The following CACNA2D3 variants were observed in gnomAD, a reference collection of about 807,000 sequenced individuals.
CACNA2D3 encodes voltage-dependent calcium channel subunit alpha-2/delta-3.
Under a neutral mutation model 160.6 loss-of-function variants are expected in CACNA2D3, and 60 were observed. The observed-to-expected ratio is 0.37, with a 90% CI of 0.30 to 0.46. The LOEUF is 0.46. CACNA2D3 is among the 20% of genes least tolerant of loss of function. CACNA2D3 has a pLI of 1.00. For synonymous variants in CACNA2D3, 558 were observed against 492.9 expected (o/e 1.13, Z -1.75); for missense variants, 1,205 against 1,365.0 (o/e 0.88, Z 1.85).
At chr3:54,648,338 A>G (rs1478733666) in intron 11 of CACNA2D3, among the ~76,000 whole-genome samples, 1 of 152,208 alleles carries the variant, frequency 6.6e-6, no homozygotes, top group African/African-American at 2.4e-5. Flanking sequence ...AGCCACACCC[A>G]TTTGTTTACT....
chr3:54,843,490 G>A (rs559816213), intron 16 of CACNA2D3, among the ~76,000 whole-genome samples: 11 of 152,312 alleles, frequency 7.2e-5, no homozygotes, highest in Non-Finnish European at 7.3e-5. Flanking sequence ...TGTTACTGCC[G>A]TGTGCCTTGA....
intron 3 of CACNA2D3, among the ~76,000 whole-genome samples, chr3:54,368,530 G>C (rs1380513631): frequency 6.6e-6 from 1 of 151,478 alleles, no homozygotes; most frequent in Non-Finnish European, 1.5e-5. Flanking sequence ...GAGTGAGTGA[G>C]CACAGAACAG....
At chr3:55,006,330 C>T (rs1348619066) in intron 32 of CACNA2D3, among the ~76,000 whole-genome samples, 1 of 152,090 alleles carries the variant, frequency 6.6e-6, no homozygotes, top group Non-Finnish European at 1.5e-5. Context: ...GCGAGCTGCC[C>T]CTGCTTCTGG....
intron 13 of CACNA2D3, among the ~76,000 whole-genome samples, chr3:54,796,461 T>G (rs1287387689): frequency 6.6e-6 from 1 of 152,218 alleles, no homozygotes; most frequent in Non-Finnish European, 1.5e-5. Flanking sequence ...AGAGAACTAA[T>G]ATCAGGCAAC....
chr3:54,772,858 A>G (rs1702344992), intron 13 of CACNA2D3, among the ~76,000 whole-genome samples: 1 of 152,204 alleles, frequency 6.6e-6, no homozygotes, highest in Non-Finnish European at 1.5e-5. Context: ...TGGGAATGCT[A>G]TTCAACTTGC....
intron 3 of CACNA2D3, among the ~76,000 whole-genome samples, chr3:54,368,479 G>C (rs1698863780): frequency 6.6e-6 from 1 of 152,110 alleles, no homozygotes; most frequent in East Asian, 1.9e-4. Flanking sequence ...GGCAGAGAGA[G>C]AGTGAAAGAG....
intron 4 of CACNA2D3, among the ~76,000 whole-genome samples, chr3:54,472,885 G>GA (rs1229903675): frequency 6.6e-6 from 1 of 151,912 alleles, no homozygotes; most frequent in Admixed American, 6.6e-5. Flanking sequence ...GGAAATAAAA[G>GA]AGGACACAAA....
intron 31 of CACNA2D3, among the ~76,000 whole-genome samples, chr3:55,002,385 G>GC (rs1703002623): frequency 6.6e-6 from 1 of 152,190 alleles, no homozygotes; most frequent in Non-Finnish European, 1.5e-5. Flanking sequence ...GAAAGCCCTT[G>GC]CAGGGGTACC....
chr3:54,410,143 G>A (rs927671033), intron 4 of CACNA2D3, among the ~76,000 whole-genome samples: 5 of 152,132 alleles, frequency 3.3e-5, no homozygotes, highest in Non-Finnish European at 4.4e-5. Context: ...AAGGTCAGGA[G>A]TTTGAGACCA....
At chr3:54,346,861 C>T (rs1698467644) in intron 3 of CACNA2D3, among the ~76,000 whole-genome samples, 1 of 152,100 alleles carries the variant, frequency 6.6e-6, no homozygotes, top group Admixed American at 6.6e-5. Flanking sequence ...TTTACTGTCT[C>T]TATAGTTTTG....
chr3:54,431,834 C>G (rs1408754556), intron 4 of CACNA2D3, among the ~76,000 whole-genome samples: 1 of 152,148 alleles, frequency 6.6e-6, no homozygotes, highest in Non-Finnish European at 1.5e-5. Context: ...TCTCGAACTC[C>G]TGTCCTCAAG....
rs1321166460 is a variant in CACNA2D3 at position 55,004,926 on chromosome 3, A to G, written c.2766+88A>G. On this transcript the variant is annotated intron_variant, in intron 32 of 37. Coordinates refer to ENST00000474759, the MANE Select transcript of CACNA2D3 (RefSeq NM_018398.3). ...GTTATCTTCCTCTTTGGAGTAATCA[A>G]GTTTATCTTTTTGCAAAATCATGAA... 4 of 914,228 alleles carry G rather than the reference A, an allele frequency of 4.4e-6. No homozygotes were observed. In the Admixed American group the frequency reaches 7.2e-5, roughly 17 times the overall value. The allele number at this position is 914,228 out of a possible 1,614,324, so 56.6% of individuals were successfully genotyped here.
At chr3:54,665,592 A>G (rs1424625233) in intron 11 of CACNA2D3, among the ~76,000 whole-genome samples, 1 of 152,086 alleles carries the variant, frequency 6.6e-6, no homozygotes, top group Admixed American at 6.6e-5. Context: ...ACTAATCCCA[A>G]AACATAAAGA....
chr3:54,178,397 ACT>A (rs558714806), intron 2 of CACNA2D3, among the ~76,000 whole-genome samples: 25 of 152,128 alleles, frequency 1.6e-4, no homozygotes, highest in Non-Finnish European at 3.5e-4. Context: ...GATTTTGGTA[ACT>A]CTGGTCTCCC....
rs1207055413 is a variant in CACNA2D3, at chr3:54,570,105, G to A, written c.888+1G>A. ...TGATGACTTCTTCAACATAATTGCT[G>A]TGAGTGCACCGTTTTGTGCCTTCTT... On this transcript the variant is annotated splice_donor_variant, in intron 8 of 37. Transcript: ENST00000474759. LOFTEE classifies it high-confidence loss of function. 1 of 1,612,554 alleles carries A rather than the reference G, an allele frequency of 6.2e-7. No individual in the cohort carries two copies.
intron 17 of CACNA2D3, among the ~76,000 whole-genome samples, chr3:54,870,760 C>T (rs1217207836): frequency 6.6e-6 from 1 of 152,170 alleles, no homozygotes; most frequent in East Asian, 1.9e-4. Context: ...ATACCCTCAT[C>T]TACTCCAGGT....
intron 13 of CACNA2D3, among the ~76,000 whole-genome samples, chr3:54,785,825 T>C (rs997453974): frequency 4.6e-5 from 7 of 152,214 alleles, no homozygotes; most frequent in Admixed American, 1.3e-4. Context: ...ACAAGTCCTA[T>C]TGATTCCACT....
intron 5 of CACNA2D3, among the ~76,000 whole-genome samples, chr3:54,548,605 C>T (rs557636815): frequency 6.6e-6 from 1 of 152,292 alleles, no homozygotes; most frequent in Non-Finnish European, 1.5e-5. Context: ...TAGACACCAC[C>T]TTCTTCCTCA....
chr3:54,796,632 T>G (rs569724586), intron 13 of CACNA2D3, among the ~76,000 whole-genome samples: 2 of 152,298 alleles, frequency 1.3e-5, no homozygotes, highest in East Asian at 3.9e-4. Flanking sequence ...CAGACTAAAA[T>G]TATAGAGCTG....
Sources: gnomAD v4.1 joint callset for allele counts (sites outside exome capture counted in the v4.1 genomes callset) on GRCh38, gnomAD v4.1.1 for gene constraint, MANE v1.5 for transcripts, NCBI Gene and HGNC (gene_info 2026-07-23, HGNC 2026-07-21) for gene names.